ACTR3C: variants seen among roughly 807,000 people sequenced by gnomAD.
ACTR3C encodes actin related protein 3C.
In ACTR3C, 18 loss-of-function variants were observed where a neutral mutation model predicts 26.3. The ratio of observed to expected loss-of-function variants is 0.68; its 90% CI spans 0.47 to 1.01. The LOEUF (loss-of-function observed/expected upper bound fraction) is 1.01. ACTR3C is among the 50% of genes least tolerant of loss of function. The pLI is 0.00. For missense variants in ACTR3C, 184 were observed against 250.7 expected (o/e 0.73, Z 1.80); for synonymous variants, 55 against 94.5 (o/e 0.58, Z 2.42).
chr7:150,161,125 G>T, the ACTR3C span, among the ~76,000 whole-genome samples: 2 of 149,076 alleles, frequency 1.3e-5, no homozygotes, highest in South Asian at 4.2e-4. Context: ...ATGGTCCTGA[G>T]CTGCCAAACA....
At chr7:150,173,141 G>A in the ACTR3C span, among the ~76,000 whole-genome samples, 4 of 150,460 alleles carry the variant, frequency 2.7e-5, no homozygotes, top group East Asian at 5.8e-4. Flanking sequence ...TAGGGACTCT[G>A]TGTGGGGGCT....
the ACTR3C span, among the ~76,000 whole-genome samples, chr7:150,126,682 A>G: frequency 2.0e-5 from 3 of 152,232 alleles, no homozygotes; most frequent in Admixed American, 1.3e-4. Context: ...TGCCTTGGAC[A>G]GAAAAAGCCC....
At chr7:150,087,089 T>G in the ACTR3C span, among the ~76,000 whole-genome samples, 1 of 151,586 alleles carries the variant, frequency 6.6e-6, no homozygotes, top group Non-Finnish European at 1.5e-5. Context: ...AACAGAAAGA[T>G]GTGAAGTAAA....
chr7:149,971,202 C>G, the ACTR3C span, among the ~76,000 whole-genome samples: 1 of 152,198 alleles, frequency 6.6e-6, no homozygotes, highest in African/African-American at 2.4e-5. Flanking sequence ...TATCTTCACC[C>G]TCGCCTCTAG....
the ACTR3C span, among the ~76,000 whole-genome samples, chr7:150,036,954 C>G: frequency 2.6e-3 from 123 of 47,526 alleles, 2 homozygotes; most frequent in Non-Finnish European, 4.2e-3. Context: ...GTGGGGGAAC[C>G]AGGGGCTGGC....
At chr7:149,936,410 T>C in the ACTR3C span, among the ~76,000 whole-genome samples, 1 of 152,170 alleles carries the variant, frequency 6.6e-6, no homozygotes, top group South Asian at 2.1e-4. Flanking sequence ...CTTTCCATGA[T>C]AGTTGTATAC....
chr7:150,277,496 T>A (rs1439710720), intron 6 of ACTR3C, among the ~76,000 whole-genome samples: 1 of 152,110 alleles, frequency 6.6e-6, no homozygotes, highest in African/African-American at 2.4e-5. Flanking sequence ...GACCTTTCAT[T>A]TCTGTGAGCA....
At chr7:149,886,220 C>A in the ACTR3C span, among the ~76,000 whole-genome samples, 3 of 152,142 alleles carry the variant, frequency 2.0e-5, no homozygotes, top group Non-Finnish European at 2.9e-5. Flanking sequence ...ATGCACTTTG[C>A]GGAAGAGAAG....
the ACTR3C span, chr7:150,074,284 T>G: frequency 6.6e-6 from 1 of 152,094 alleles, no homozygotes; most frequent in Non-Finnish European, 1.5e-5. Context: ...TTTTCTGAAT[T>G]AGATGTACTG....
the ACTR3C span, among the ~76,000 whole-genome samples, chr7:150,188,710 G>A: frequency 3.9e-5 from 6 of 151,992 alleles, no homozygotes; most frequent in South Asian, 1.2e-3. Context: ...TTATCATGGT[G>A]CTGATGGAAT....
At chr7:150,162,500 A>G in the ACTR3C span, among the ~76,000 whole-genome samples, 3 of 151,962 alleles carry the variant, frequency 2.0e-5, no homozygotes, top group African/African-American at 7.2e-5. Context: ...TAATTTTAGT[A>G]AAGAGGGGAT....
rs769839278 is a variant in ACTR3C at position 150,286,427 on chromosome 7, C to T, written c.411G>A (p.Lys137=). 28 of 1,613,492 alleles carry T rather than the reference C, an allele frequency of 1.7e-5. No individual in the cohort carries two copies. Among genetic ancestry groups the T allele is most frequent in the Non-Finnish European group, 2.5e-6 (3 of 1,180,010 alleles). Residue 137 remains lysine (K), a synonymous_variant, in exon 5 of 8, where the codon AAG becomes AAA. Coordinates refer to ENST00000683684, the MANE Select transcript of ACTR3C (RefSeq NM_001164458.2). ...TTTCGTAACCAACGTCTATAACAAA[C>T]TTCTTCTGGTTGATCGCATTGATAC... The part of the protein sequence containing the change: ...YTGINAINQK[K]FVIDVGYERF...
the ACTR3C span, among the ~76,000 whole-genome samples, chr7:149,931,097 C>T: frequency 1.3e-5 from 2 of 152,236 alleles, no homozygotes; most frequent in Non-Finnish European, 2.9e-5. Flanking sequence ...AACTCCTGAC[C>T]TCAGGTGATC....
chr7:149,930,807 T>G, the ACTR3C span, among the ~76,000 whole-genome samples: 1 of 152,224 alleles, frequency 6.6e-6, no homozygotes, highest in Non-Finnish European at 1.5e-5. Context: ...TTTGTTTTGT[T>G]TTTTGAGACA....
intron 1 of ACTR3C, among the ~76,000 whole-genome samples, chr7:150,296,955 C>T (rs1354067366): frequency 2.6e-5 from 4 of 151,740 alleles, no homozygotes; most frequent in Admixed American, 6.6e-5. Flanking sequence ...GAGCCAACCC[C>T]GACGGCACCT....
the ACTR3C span, among the ~76,000 whole-genome samples, chr7:149,982,876 C>T: frequency 8.4e-6 from 1 of 118,444 alleles, no homozygotes; most frequent in African/African-American, 4.8e-5. Context: ...CCTTTAGTTT[C>T]TTTCTCTTGC....
the ACTR3C span, among the ~76,000 whole-genome samples, chr7:150,154,623 A>ATG: frequency 6.6e-6 from 1 of 152,190 alleles, no homozygotes; most frequent in Non-Finnish European, 1.5e-5. Flanking sequence ...AGCAGACAGG[A>ATG]AGTCATAGAG....
At chr7:150,224,979 G>A in the ACTR3C span, among the ~76,000 whole-genome samples, 1 of 151,290 alleles carries the variant, frequency 6.6e-6, no homozygotes, top group African/African-American at 2.4e-5. Context: ...CAGTGGCTCT[G>A]TGCACCTTTG....
chr7:150,036,483 G>GA, the ACTR3C span, among the ~76,000 whole-genome samples: 1 of 145,918 alleles, frequency 6.9e-6, no homozygotes, highest in African/African-American at 2.5e-5. Context: ...GGCTGGGGCT[G>GA]CCAGAAGATT....
Sources: gnomAD v4.1 joint callset for allele counts (sites outside exome capture counted in the v4.1 genomes callset) on GRCh38, gnomAD v4.1.1 for gene constraint, MANE v1.5 for transcripts, NCBI Gene and HGNC (gene_info 2026-07-23, HGNC 2026-07-21) for gene names.